Variants in ADAMTSL3 observed in about 807,000 individuals in gnomAD.
The protein encoded by ADAMTSL3 is ADAMTS like 3, also known as ADAMTS-like protein 3.
ADAMTSL3 carries 128 observed loss-of-function variants against 201.7 expected under a neutral mutation model. That is an observed-to-expected ratio of 0.63 (90% CI 0.55 to 0.73). The LOEUF is 0.73. Among genes scored for constraint, ADAMTSL3 ranks in the 30% least tolerant of loss-of-function variants. The pLI, the probability that ADAMTSL3 is intolerant of heterozygous loss-of-function variation, is 0.00. For synonymous variants in ADAMTSL3, 738 were observed against 748.4 expected, an observed-to-expected ratio of 0.99 and a Z score of 0.23; for missense variants, 1,990 against 2,119.6, an observed-to-expected ratio of 0.94 and a Z score of 1.20.
At chr15:83,771,345 G>A (rs1024496892) in intron 3 of ADAMTSL3, among the ~76,000 whole-genome samples, 5 of 152,104 alleles carry the variant, frequency 3.3e-5, no homozygotes, top group Admixed American at 1.3e-4. Context: ...GTATAGTACA[G>A]TATTGGTAAT....
At chr15:83,897,381 T>C (rs1453119545) in intron 13 of ADAMTSL3, among the ~76,000 whole-genome samples, 2 of 152,202 alleles carry the variant, frequency 1.3e-5, no homozygotes, top group Non-Finnish European at 2.9e-5. Context: ...GGCCTCGTTA[T>C]ATGGTAGCAG....
Position 83,839,902 on chromosome 15 carries a change from C to T in ADAMTSL3, c.727+1687C>T, listed in dbSNP as rs139078634. Among the ~76,000 whole-genome samples the T allele has an allele frequency of 8.2e-3, 1,241 of 152,186 alleles. 12 individuals are homozygous for T. The highest frequency in any genetic ancestry group is 0.029 in the African/African-American group (1,190 of 41,514). ...TTTATTCTCTCCAAAATTTTCACCCCATAAGTATCCAATGTCTAAGTATCT... is the reference window on the plus strand; with the variant it reads ...TTTATTCTCTCCAAAATTTTCACCCTATAAGTATCCAATGTCTAAGTATCT... On this transcript the variant is annotated intron_variant, in intron 7 of 29. Coordinates refer to ENST00000286744, the MANE Select transcript of ADAMTSL3 (RefSeq NM_207517.3).
chr15:83,856,987 TTTG>T (rs2064748911), intron 7 of ADAMTSL3, among the ~76,000 whole-genome samples: 1 of 152,112 alleles, frequency 6.6e-6, no homozygotes, highest in African/African-American at 2.4e-5. Context: ...TTCTGCTTGT[TTTG>T]TTATTTTTTT....
In ADAMTSL3 at chr15:83,823,949, CT is replaced by C. The variant is rs1567169739; in HGVS notation, c.600+3904del. ...TCTTCTTCTTCTTCTTCTTCTTCTTCTTCTTCTTCTTCTTCTTCTTCTTCTC... is the reference window on the plus strand; with the variant it reads ...TCTTCTTCTTCTTCTTCTTCTTCTTCTCTTCTTCTTCTTCTTCTTCTTCTC... On this transcript the variant is annotated intron_variant, in intron 6 of 29. Coordinates refer to ENST00000286744, the MANE Select transcript of ADAMTSL3 (RefSeq NM_207517.3). Among the ~76,000 whole-genome samples, 321 of 95,382 alleles carry C rather than the reference CT, an allele frequency of 3.4e-3. 10 individuals are homozygous for C. Among genetic ancestry groups the C allele is most frequent in the East Asian group, 0.026 (75 of 2,870 alleles). The allele number at this position is 95,382 out of a possible 152,430, so 62.6% of individuals were successfully genotyped here.
intron 3 of ADAMTSL3, among the ~76,000 whole-genome samples, chr15:83,768,652 C>T (rs1196896192): frequency 6.6e-6 from 1 of 152,182 alleles, no homozygotes; most frequent in African/African-American, 2.4e-5. Flanking sequence ...GTCCACTGCT[C>T]TAGAGGCATG....
chr15:84,036,689 G>GCCC, intron 28 of ADAMTSL3, 84 bp from the exon 29 acceptor site: 1 of 1,042,270 alleles, frequency 9.6e-7, no homozygotes, highest in Non-Finnish European at 1.4e-6. Flanking sequence ...ATAGAGTAAG[G>GCCC]TAAAAAGGCT....
At chr15:83,657,432 T>A (rs2061103240) in intron 2 of ADAMTSL3, among the ~76,000 whole-genome samples, 1 of 152,184 alleles carries the variant, frequency 6.6e-6, no homozygotes, top group Admixed American at 6.5e-5. Context: ...CCAGCAGTCT[T>A]CATCATTCAC....
In ADAMTSL3 at chr15:83,674,764, TAC is replaced by T. The variant is rs1201088636; in HGVS notation, c.69+18936_69+18937del. Among the ~76,000 whole-genome samples the T allele has an allele frequency of 1.5e-3, 186 of 121,646 alleles. 1 individual carries two copies. Among genetic ancestry groups the T allele is most frequent in the Middle Eastern group, 4.2e-3 (1 of 238 alleles). The allele number at this position is 121,646 out of a possible 152,430, so 79.8% of individuals were successfully genotyped here. ...ATATATACATATATACACACATATATACATATATATATATATATATATATAAA... is the reference window on the plus strand; with the variant it reads ...ATATATACATATATACACACATATATATATATATATATATATATATATAAA... On this transcript the variant is annotated intron_variant, in intron 2 of 29. Transcript: ENST00000286744.
At chr15:83,691,447 C>T (rs1480279911) in intron 2 of ADAMTSL3, among the ~76,000 whole-genome samples, 1 of 152,142 alleles carries the variant, frequency 6.6e-6, no homozygotes, top group Non-Finnish European at 1.5e-5. Flanking sequence ...CGCTTGGGCT[C>T]CCAACTGCAA....
At chr15:83,716,459 G>T (rs1407738706) in intron 3 of ADAMTSL3, among the ~76,000 whole-genome samples, 1 of 149,456 alleles carries the variant, frequency 6.7e-6, no homozygotes, top group Non-Finnish European at 1.5e-5. Context: ...GGTTTGCAGT[G>T]AGCCGAGAGC....
chr15:83,947,896 G>A (rs1369537529), intron 19 of ADAMTSL3, among the ~76,000 whole-genome samples: 2 of 152,244 alleles, frequency 1.3e-5, no homozygotes, highest in African/African-American at 4.8e-5. Flanking sequence ...TCGTGGGAAA[G>A]CAAAGGGACA....
chr15:83,992,345 T>A (rs1436017583), intron 23 of ADAMTSL3, among the ~76,000 whole-genome samples: 3 of 152,214 alleles, frequency 2.0e-5, no homozygotes, highest in African/African-American at 7.2e-5. Flanking sequence ...TTTTCACCCC[T>A]TGGAAATCCC....
At chr15:84,018,874 A>G (rs1172214700) in intron 25 of ADAMTSL3, among the ~76,000 whole-genome samples, 2 of 152,172 alleles carry the variant, frequency 1.3e-5, no homozygotes, top group Non-Finnish European at 1.5e-5. Flanking sequence ...CTAAGTAGAA[A>G]ACAAAAACAA....
chr15:83,920,229 C>T (rs1464263216), intron 16 of ADAMTSL3, among the ~76,000 whole-genome samples: 5 of 152,142 alleles, frequency 3.3e-5, no homozygotes, highest in East Asian at 1.9e-4. Context: ...GATGTGTTCC[C>T]GACATGGTAC....
chr15:84,015,094 C>T (rs2068067606), intron 24 of ADAMTSL3, among the ~76,000 whole-genome samples: 1 of 152,050 alleles, frequency 6.6e-6, no homozygotes, highest in Non-Finnish European at 1.5e-5. Flanking sequence ...AATAGGCGCA[C>T]ACCACCATGC....
intron 17 of ADAMTSL3, among the ~76,000 whole-genome samples, chr15:83,929,758 A>C (rs1367678718): frequency 6.6e-6 from 1 of 151,286 alleles, no homozygotes; most frequent in East Asian, 1.9e-4. Flanking sequence ...ACAGAGAGAC[A>C]GAGAGAGACA....
At chr15:83,746,347 G>C (rs1443076213) in intron 3 of ADAMTSL3, among the ~76,000 whole-genome samples, 3 of 151,182 alleles carry the variant, frequency 2.0e-5, no homozygotes, top group African/African-American at 2.4e-5. Flanking sequence ...TGCAAGGGAG[G>C]CTGGGAAAGT....
At chr15:83,946,880 G>A (rs1395129863) in intron 19 of ADAMTSL3, among the ~76,000 whole-genome samples, 1 of 152,184 alleles carries the variant, frequency 6.6e-6, no homozygotes, top group African/African-American at 2.4e-5. Context: ...AGACACTCTG[G>A]CTTCCAGTCA....
intron 6 of ADAMTSL3, among the ~76,000 whole-genome samples, chr15:83,829,462 CT>C (rs1399370480): frequency 3.3e-5 from 5 of 152,040 alleles, no homozygotes; most frequent in Non-Finnish European, 5.9e-5. Flanking sequence ...TTTTGTTGAT[CT>C]TTTCAAAAAA....
Sources: allele counts gnomAD v4.1 joint callset (sites outside exome capture counted in the v4.1 genomes callset), GRCh38; gene constraint gnomAD v4.1.1; transcripts MANE v1.5; gene names NCBI Gene and HGNC (gene_info 2026-07-23, HGNC 2026-07-21).